Variants in NYAP2 observed in about 807,000 individuals in gnomAD.
NYAP2 encodes neuronal tyrosine-phosphorylated phosphoinositide-3-kinase adaptor 2, also known as neuronal tyrosine-phosphorylated phosphoinositide-3-kinase adapter 2.
NYAP2 carries 23 observed loss-of-function variants against 50.4 expected under a neutral mutation model. The ratio of observed to expected loss-of-function variants is 0.46; its 90% CI spans 0.33 to 0.65. The LOEUF (loss-of-function observed/expected upper bound fraction) is 0.65. NYAP2 is among the 30% of genes least tolerant of loss of function. NYAP2 has a pLI of 0.02. For missense variants in NYAP2, 885 were observed against 861.0 expected (o/e 1.03, Z -0.35); for synonymous variants, 394 against 365.2 (o/e 1.08, Z -0.90).
intron 3 of NYAP2, among the ~76,000 whole-genome samples, chr2:225,448,133 T>C (rs149964691): frequency 6.6e-6 from 1 of 152,304 alleles, no homozygotes; most frequent in East Asian, 1.9e-4. Context: ...TCCAGCTCTC[T>C]GAAAGCAGAG....
intron 3 of NYAP2, among the ~76,000 whole-genome samples, chr2:225,434,245 T>G (rs1445853502): frequency 6.6e-6 from 1 of 152,128 alleles, no homozygotes; most frequent in Non-Finnish European, 1.5e-5. Context: ...CCCTCTGCCC[T>G]CCAGTACAGC....
At chr2:225,565,109 C>T (rs1209010874) in intron 4 of NYAP2, among the ~76,000 whole-genome samples, 10 of 149,834 alleles carry the variant, frequency 6.7e-5, no homozygotes, top group Admixed American at 2.0e-4. Context: ...CCAGACTGAG[C>T]GACAGAGCAA....
At chr2:225,548,886 A>ATT (rs11346817) in intron 4 of NYAP2, among the ~76,000 whole-genome samples, 1,676 of 146,652 alleles carry the variant, frequency 0.011, 21 homozygotes, top group African/African-American at 0.026. Context: ...GAATGCAGCA[A>ATT]TTTTTTTTTT....
chr2:225,492,132 C>T (rs557526535), intron 3 of NYAP2, among the ~76,000 whole-genome samples: 2 of 152,212 alleles, frequency 1.3e-5, no homozygotes, highest in Admixed American at 1.3e-4. Context: ...CCCATGTGGC[C>T]GGTGTGTGTG....
At chr2:225,524,860 G>A (rs1461680903) in intron 4 of NYAP2, among the ~76,000 whole-genome samples, 1 of 152,056 alleles carries the variant, frequency 6.6e-6, no homozygotes, top group East Asian at 1.9e-4. Flanking sequence ...TTAATATCCA[G>A]AATCTATAAG....
At chr2:225,649,654 G>A (rs1324132156) in intron 6 of NYAP2, among the ~76,000 whole-genome samples, 3 of 152,172 alleles carry the variant, frequency 2.0e-5, no homozygotes. Flanking sequence ...ATAGACATAA[G>A]CCATTGTGCC....
rs564385365 is a variant in NYAP2 at position 225,603,489 on chromosome 2, G to A, written c.1618+20454G>A. On this transcript the variant is annotated intron_variant, in intron 5 of 6. Coordinates refer to ENST00000636099, the Ensembl canonical transcript of NYAP2. ...ACTTTTATTTTTATTTTGAGACAGAGTCTCACTCTGTCACCCCGCTGGAGT... is the reference window on the plus strand; with the variant it reads ...ACTTTTATTTTTATTTTGAGACAGAATCTCACTCTGTCACCCCGCTGGAGT... Among the ~76,000 whole-genome samples the A allele has an allele frequency of 2.0e-4, 30 of 152,264 alleles. No homozygotes were observed. The South Asian group carries it at 3.7e-3, about 19-fold the overall frequency.
At chr2:225,531,987 T>A (rs958460760) in intron 4 of NYAP2, among the ~76,000 whole-genome samples, 1 of 152,230 alleles carries the variant, frequency 6.6e-6, no homozygotes, top group African/African-American at 2.4e-5. Context: ...ATAATATAAA[T>A]CAAAGAATGT....
At chr2:225,448,814 T>C (rs1320071097) in intron 3 of NYAP2, among the ~76,000 whole-genome samples, 1 of 152,186 alleles carries the variant, frequency 6.6e-6, no homozygotes, top group East Asian at 1.9e-4. Context: ...AGTTCTAAGT[T>C]TAGGTTATTA....
intron 3 of NYAP2, among the ~76,000 whole-genome samples, chr2:225,489,356 T>G (rs1690364394): frequency 6.6e-6 from 1 of 151,854 alleles, no homozygotes; most frequent in Non-Finnish European, 1.5e-5. Flanking sequence ...ACCATACCTC[T>G]CTACTTTTTT....
At chr2:225,422,818 T>C (rs1322696992) in intron 3 of NYAP2, among the ~76,000 whole-genome samples, 1 of 152,154 alleles carries the variant, frequency 6.6e-6, no homozygotes. Flanking sequence ...ATGAATATTT[T>C]AATGACAGCA....
At chr2:225,675,327 T>C in the NYAP2 span, among the ~76,000 whole-genome samples, 1 of 152,054 alleles carries the variant, frequency 6.6e-6, no homozygotes, top group East Asian at 1.9e-4. Context: ...CCCTAGTGTC[T>C]ATTGTTCCCA....
intron 4 of NYAP2, among the ~76,000 whole-genome samples, chr2:225,580,025 A>G (rs2106227881): frequency 6.6e-6 from 1 of 152,274 alleles, no homozygotes; most frequent in East Asian, 1.9e-4. Flanking sequence ...TCTGCCCTCA[A>G]AGAATTCCCT....
chr2:225,490,280 T>C (rs937085739), intron 3 of NYAP2, among the ~76,000 whole-genome samples: 1 of 152,156 alleles, frequency 6.6e-6, no homozygotes, highest in Non-Finnish European at 1.5e-5. Flanking sequence ...CCATTCCACA[T>C]GCAATATTGT....
chr2:225,537,795 C>T (rs1446381648), intron 4 of NYAP2, among the ~76,000 whole-genome samples: 1 of 152,180 alleles, frequency 6.6e-6, no homozygotes, highest in African/African-American at 2.4e-5. Flanking sequence ...TCCAAAATCT[C>T]ATCTGAGACA....
At chr2:225,570,208 C>T (rs905086927) in intron 4 of NYAP2, among the ~76,000 whole-genome samples, 1 of 152,096 alleles carries the variant, frequency 6.6e-6, no homozygotes, top group Non-Finnish European at 1.5e-5. Context: ...GGATAGAATG[C>T]CACAAAAGGG....
intron 4 of NYAP2, among the ~76,000 whole-genome samples, chr2:225,558,001 A>G (rs75341487): frequency 6.6e-6 from 1 of 152,140 alleles, no homozygotes; most frequent in African/African-American, 2.4e-5. Context: ...CCTCAGAAAT[A>G]TTTCTCCCTT....
rs73089773 is a variant in NYAP2, at chr2:225,472,347, T to C, written c.222-41024T>C. Among the ~76,000 whole-genome samples, 940 of 152,286 alleles carry C rather than the reference T, an allele frequency of 6.2e-3. 11 individuals are homozygous for C. The highest frequency in any genetic ancestry group is 0.022 in the African/African-American group (904 of 41,560). ...CCAGCAGCAAGTAAGAAGCAGGAAT[T>C]TGAAGGGGTAGACAGGGAAAAGGCA... On this transcript the variant is annotated intron_variant, in intron 3 of 6. Coordinates refer to ENST00000636099, the Ensembl canonical transcript of NYAP2.
At position 225,582,800 on chromosome 2, in the gene NYAP2, T is replaced by C; in HGVS notation, c.1383T>C (p.His461=). The C allele has an allele frequency of 6.2e-7, 1 of 1,613,878 alleles. No individual in the cohort carries two copies. Among genetic ancestry groups the C allele is most frequent in the Non-Finnish European group, 8.5e-7 (1 of 1,179,872 alleles). The change falls in exon 5 of 7, where the codon CAT becomes CAC. Residue 461 remains histidine, a synonymous_variant. Coordinates refer to ENST00000636099, the Ensembl canonical transcript of NYAP2. This position sits in a 1 kb window ranked among gnomAD's most constrained non-coding sequence, Gnocchi z 7.0. ...GGCCTCCCCCTTACGACGCTGTGCA[T>C]TCGGGCAGCCTCTCAAGGAGCTCTC...
Sources: gnomAD v4.1 joint callset for allele counts (sites outside exome capture counted in the v4.1 genomes callset) on GRCh38, gnomAD v4.1.1 for gene constraint, Gnocchi (gnomAD v3.1) non-coding constraint, MANE v1.5 for transcripts, NCBI Gene and HGNC (gene_info 2026-07-23, HGNC 2026-07-21) for gene names.